Variants in KCNK10 observed in about 807,000 individuals in gnomAD.
The protein encoded by KCNK10 is potassium channel subfamily K member 10.
In KCNK10, 25 loss-of-function variants were observed where a neutral mutation model predicts 47.7. The ratio of observed to expected loss-of-function variants is 0.52; its 90% CI spans 0.38 to 0.73. The LOEUF (loss-of-function observed/expected upper bound fraction) is 0.73. Among genes scored for constraint, KCNK10 ranks in the 30% least tolerant of loss-of-function variants. KCNK10 has a pLI of 0.00. For missense variants in KCNK10, 563 were observed against 714.5 expected (o/e 0.79, Z 2.42); for synonymous variants, 303 against 285.6 (o/e 1.06, Z -0.61).
intron 3 of KCNK10, among the ~76,000 whole-genome samples, chr14:88,229,597 A>C (rs1886098604): frequency 6.6e-6 from 1 of 152,216 alleles, no homozygotes; most frequent in South Asian, 2.1e-4. Flanking sequence ...GCAATACTCA[A>C]ACAAGCCTTT....
intron 1 of KCNK10, among the ~76,000 whole-genome samples, chr14:88,265,267 T>G (rs1312065246): frequency 6.6e-6 from 1 of 152,106 alleles, no homozygotes; most frequent in African/African-American, 2.4e-5. Flanking sequence ...AATGTTGAGA[T>G]GGGGGATGAT....
chr14:88,293,397 C>A (rs1163933820), intron 1 of KCNK10, among the ~76,000 whole-genome samples: 3 of 152,132 alleles, frequency 2.0e-5, no homozygotes, highest in Non-Finnish European at 4.4e-5. Flanking sequence ...AATAAAAACC[C>A]TCCATTCTTA....
chr14:88,302,963 A>G (rs1252903488), intron 1 of KCNK10, among the ~76,000 whole-genome samples: 1 of 152,208 alleles, frequency 6.6e-6, no homozygotes, highest in African/African-American at 2.4e-5. Flanking sequence ...CAGGGGATGA[A>G]TCTTAATTGG....
intron 1 of KCNK10, among the ~76,000 whole-genome samples, chr14:88,292,257 GC>G (rs1887895556): frequency 1.3e-5 from 2 of 152,168 alleles, no homozygotes; most frequent in Non-Finnish European, 2.9e-5. Context: ...AACAGCCACG[GC>G]CCCCGCCTTC....
chr14:88,279,026 G>A (rs569220580), intron 1 of KCNK10, among the ~76,000 whole-genome samples: 13 of 152,228 alleles, frequency 8.5e-5, no homozygotes, highest in African/African-American at 2.9e-4. Context: ...AAAGTGCCAC[G>A]CCACTGAATT....
At chr14:88,234,495 A>G (rs1190487926) in intron 3 of KCNK10, among the ~76,000 whole-genome samples, 1 of 152,194 alleles carries the variant, frequency 6.6e-6, no homozygotes, top group East Asian at 1.9e-4. Flanking sequence ...CGCTAAACCA[A>G]TCGTTAGCCT....
chr14:88,210,314 T>G (rs1885412950), intron 4 of KCNK10, among the ~76,000 whole-genome samples: 1 of 152,250 alleles, frequency 6.6e-6, no homozygotes, highest in Non-Finnish European at 1.5e-5. Context: ...TCTTGATGCA[T>G]GGCTGTTTTC....
chr14:88,283,778 G>A (rs902770093), intron 1 of KCNK10, among the ~76,000 whole-genome samples: 2 of 152,046 alleles, frequency 1.3e-5, no homozygotes, highest in Non-Finnish European at 2.9e-5. Context: ...GCCAGGCATG[G>A]TGGTGGGCAC....
At chr14:88,221,623 T>A (rs1047740282) in intron 4 of KCNK10, among the ~76,000 whole-genome samples, 1 of 152,206 alleles carries the variant, frequency 6.6e-6, no homozygotes, top group Non-Finnish European at 1.5e-5. Context: ...GTATAGCCAC[T>A]TTGGAAGACA....
intron 1 of KCNK10, among the ~76,000 whole-genome samples, chr14:88,294,938 C>A (rs1203476728): frequency 1.3e-5 from 2 of 152,160 alleles, no homozygotes; most frequent in African/African-American, 4.8e-5. Flanking sequence ...CATGAATATT[C>A]TAATTCTCTT....
chr14:88,277,696 T>C (rs902288691), intron 1 of KCNK10, among the ~76,000 whole-genome samples: 12 of 152,226 alleles, frequency 7.9e-5, no homozygotes, highest in African/African-American at 2.9e-4. Context: ...CAGTAACACC[T>C]AGGTTTGGGG....
intron 5 of KCNK10, 142 bp downstream of exon 5, chr14:88,192,082 A>G (rs1884765892): frequency 1.3e-6 from 1 of 742,258 alleles, no homozygotes; most frequent in African/African-American, 1.8e-5. Context: ...GGGATTTGAA[A>G]TGAGCCTCTT....
At chr14:88,197,614 C>CAAAAAAAAAAAAAA (rs1884960053) in intron 4 of KCNK10, among the ~76,000 whole-genome samples, 1 of 50,816 alleles carries the variant, frequency 2.0e-5, no homozygotes, top group Non-Finnish European at 4.3e-5. Context: ...AAAAAAAAAT[C>CAAAAAAAAAAAAAA]AACTGTTCCA....
At chr14:88,210,829 G>GAAAAAAAAAAAAA (rs71126970) in intron 4 of KCNK10, among the ~76,000 whole-genome samples, 1 of 138,632 alleles carries the variant, frequency 7.2e-6, no homozygotes, top group Admixed American at 7.2e-5. Context: ...AAAGTTAAAG[G>GAAAAAAAAAAAAA]AAAAAAAAAA....
upstream of KCNK10, chr14:88,326,346 T>C (rs1888662194): frequency 3.0e-6 from 4 of 1,331,958 alleles, no homozygotes; most frequent in Non-Finnish European, 4.3e-6. Context: ...ACTTAGCCCT[T>C]TGGGCTACTG....
At chr14:88,325,944 A>AGGGTT (rs1363241856), upstream of KCNK10, among the ~76,000 whole-genome samples, 4 of 144,312 alleles carry the variant, frequency 2.8e-5, no homozygotes, top group East Asian at 7.3e-4. Flanking sequence ...TTATAAGGGG[A>AGGGTT]GGGTTGGGGA....
chr14:88,228,367 T>C (rs1334899136), intron 3 of KCNK10, among the ~76,000 whole-genome samples: 1 of 152,208 alleles, frequency 6.6e-6, no homozygotes, highest in Non-Finnish European at 1.5e-5. Flanking sequence ...TTATGTACAA[T>C]GAGTACTGGG....
intron 3 of KCNK10, among the ~76,000 whole-genome samples, chr14:88,229,068 T>G (rs1288096516): frequency 2.0e-5 from 3 of 152,216 alleles, no homozygotes; most frequent in Non-Finnish European, 4.4e-5. Context: ...TTCAAGTAAC[T>G]TGTGAAAACA....
At position 88,260,459 on chromosome 14, in the gene KCNK10, A is replaced by G. The variant is rs542329482; in HGVS notation, c.402+2743T>C. ...TGCTTAGTCTCAGATAGTTCTTTAT[A>G]GTGAGAATGGACTAATACAGCATTC... is the stretch of plus-strand genomic sequence containing the variant. On this transcript the variant is annotated intron_variant, in intron 2 of 6. Coordinates refer to ENST00000319231, the MANE Select transcript of KCNK10 (RefSeq NM_138317.3). The surrounding 1 kb of genome is among the most constrained non-coding windows in gnomAD (Gnocchi z 4.5). Among the ~76,000 whole-genome samples the G allele has an allele frequency of 6.6e-6, 1 of 152,218 alleles. No homozygotes were observed. The highest frequency in any genetic ancestry group is 1.5e-5 in the Non-Finnish European group (1 of 68,036).
Sources: allele counts gnomAD v4.1 joint callset (sites outside exome capture counted in the v4.1 genomes callset), GRCh38; gene constraint gnomAD v4.1.1; non-coding constraint Gnocchi (gnomAD v3.1); transcripts MANE v1.5; gene names NCBI Gene and HGNC (gene_info 2026-07-23, HGNC 2026-07-21).